The following BRAF variants were observed in gnomAD, a reference collection of about 807,000 sequenced individuals.
BRAF encodes B-Raf proto-oncogene, serine/threonine kinase, also known as serine/threonine-protein kinase B-raf.
A neutral mutation model predicts 104.6 loss-of-function variants in BRAF; 16 were observed. That is an observed-to-expected ratio of 0.15 (90% CI 0.10 to 0.23). The LOEUF is 0.23. Ranked by LOEUF, BRAF falls within the 10% of genes least tolerant of loss-of-function variation. The probability of loss-of-function intolerance (pLI) is 1.00; values close to 1 mark genes in which losing one functional copy is unlikely to be tolerated. For missense variants in BRAF, 541 were observed against 937.3 expected (o/e 0.58, Z 5.52); for synonymous variants, 310 against 341.6 (o/e 0.91, Z 1.02).
At chr7:140,727,623 T>C (rs1376347232) in intron 19 of BRAF, among the ~76,000 whole-genome samples, 2 of 151,148 alleles carry the variant, frequency 1.3e-5, no homozygotes, top group East Asian at 3.9e-4. Context: ...CATACCACTA[T>C]TTTTCTTTTT....
At chr7:140,885,569 C>T (rs979061762) in intron 1 of BRAF, among the ~76,000 whole-genome samples, 3 of 152,176 alleles carry the variant, frequency 2.0e-5, no homozygotes, top group Admixed American at 6.5e-5. Flanking sequence ...CATTTAGTTA[C>T]ATATTTGTGC....
In BRAF at chr7:140,720,829, G is replaced by C; in HGVS notation, c.*5665C>G. The C allele has an allele frequency of 3.8e-6, 4 of 1,066,014 alleles. No individual in the cohort carries two copies. The highest frequency in any genetic ancestry group is 4.5e-6 in the Non-Finnish European group (4 of 879,806). The allele number at this position is 1,066,014 out of a possible 1,614,324, so 66.0% of individuals were successfully genotyped here. On this transcript the variant is annotated 3_prime_UTR_variant, in exon 20 of 20. Coordinates refer to ENST00000644969, the MANE Select transcript of BRAF (RefSeq NM_001374258.1). Reference sequence around the variant, plus strand: ...GCAGTAATTTTCAAAACAAAACCAGGACTAAGCAACTTCATCAAAACCCCC... The same window carrying C: ...GCAGTAATTTTCAAAACAAAACCAGCACTAAGCAACTTCATCAAAACCCCC...
intron 1 of BRAF, among the ~76,000 whole-genome samples, chr7:140,860,465 G>GAAA (rs746617365): frequency 1.6e-4 from 10 of 62,134 alleles, no homozygotes; most frequent in African/African-American, 7.9e-4. Context: ...CCCATCTCTA[G>GAAA]AAAAAAAAAA....
At chr7:140,750,994 A>G (rs1358331576) in intron 16 of BRAF, among the ~76,000 whole-genome samples, 1 of 152,216 alleles carries the variant, frequency 6.6e-6, no homozygotes, top group African/African-American at 2.4e-5. Context: ...AAAGGACCAC[A>G]CAGCCTTAGT....
chr7:140,737,167 T>C (rs2130884826), intron 18 of BRAF, among the ~76,000 whole-genome samples: 1 of 152,350 alleles, frequency 6.6e-6, no homozygotes, highest in South Asian at 2.1e-4. Context: ...TTTTTCTTAT[T>C]ATAGTAAACA....
At chr7:140,793,540 A>G (rs1802193656) in intron 8 of BRAF, among the ~76,000 whole-genome samples, 1 of 152,076 alleles carries the variant, frequency 6.6e-6, no homozygotes, top group Non-Finnish European at 1.5e-5. Context: ...TAAAATTTAT[A>G]GTTTCAATTA....
intron 17 of BRAF, chr7:140,740,193 T>C: frequency 2.1e-6 from 1 of 475,518 alleles, no homozygotes; most frequent in Non-Finnish European, 3.8e-6. Flanking sequence ...CCCCTGCTTT[T>C]GGTCTCTCTT....
rs1795496203 is a variant in BRAF at position 140,724,555 on chromosome 7, CT to C, written c.*1938del. On this transcript the variant is annotated 3_prime_UTR_variant, in exon 20 of 20. Transcript: ENST00000644969. ...TCAAACTGATTAATAACTTAAGGAT[CT>C]TTTCCATTTTACTAGGACAACCTTT... 5.8e-6 allele frequency: 6 copies of C among 1,042,392 alleles called. No homozygotes were observed. Among genetic ancestry groups the C allele is most frequent in the Non-Finnish European group, 6.9e-6 (6 of 864,862 alleles). The allele number at this position is 1,042,392 out of a possible 1,614,324, so 64.6% of individuals were successfully genotyped here. A position where few individuals can be genotyped will look rare whatever the true frequency, so the allele number is the denominator to read the frequency against.
At chr7:140,765,640 G>A (rs1234446348) in intron 14 of BRAF, among the ~76,000 whole-genome samples, 1 of 151,874 alleles carries the variant, frequency 6.6e-6, no homozygotes, top group Non-Finnish European at 1.5e-5. Flanking sequence ...GTGGGCAAAG[G>A]ACATGAACAG....
intron 2 of BRAF, among the ~76,000 whole-genome samples, chr7:140,841,827 C>T (rs982153894): frequency 6.6e-6 from 1 of 151,952 alleles, no homozygotes; most frequent in Admixed American, 6.5e-5. Flanking sequence ...CACTGAATTA[C>T]ACAGTTTTAA....
At chr7:140,750,658 C>T (rs1222871441) in intron 16 of BRAF, among the ~76,000 whole-genome samples, 1 of 152,064 alleles carries the variant, frequency 6.6e-6, no homozygotes, top group Non-Finnish European at 1.5e-5. Context: ...TTTAGTAATA[C>T]AGTACAAAAT....
intron 1 of BRAF, among the ~76,000 whole-genome samples, chr7:140,887,390 T>C (rs936981467): frequency 2.0e-5 from 3 of 152,242 alleles, no homozygotes; most frequent in African/African-American, 7.2e-5. Context: ...TAATCTTTGA[T>C]ATAGGACCAA....
chr7:140,911,606 TG>T (rs565201646), intron 1 of BRAF, among the ~76,000 whole-genome samples: 13 of 152,096 alleles, frequency 8.5e-5, no homozygotes, highest in African/African-American at 3.1e-4. Context: ...GAGGGTGGGA[TG>T]GGGGAGGAAA....
At chr7:140,865,821 A>G (rs1285014936) in intron 1 of BRAF, among the ~76,000 whole-genome samples, 1 of 152,256 alleles carries the variant, frequency 6.6e-6, no homozygotes, top group Non-Finnish European at 1.5e-5. Context: ...GAAATCAATA[A>G]GCAGAAACTA....
At chr7:140,781,869 T>C (rs1800910451) in intron 11 of BRAF, among the ~76,000 whole-genome samples, 176 bp from the exon 11 acceptor site, 1 of 152,186 alleles carries the variant, frequency 6.6e-6, no homozygotes, top group East Asian at 1.9e-4. Context: ...AAACTTAAAT[T>C]TAAGACTGAA....
intron 3 of BRAF, among the ~76,000 whole-genome samples, chr7:140,815,235 T>C (rs969300654): frequency 2.6e-5 from 4 of 151,230 alleles, no homozygotes; most frequent in African/African-American, 9.7e-5. Flanking sequence ...CCTCCCGGGC[T>C]CACGCCATTC....
chr7:140,722,070 C>T lies in BRAF; in HGVS notation c.*4424G>A. 1 of 1,093,914 alleles carries T rather than the reference C, an allele frequency of 9.1e-7. No individual in the cohort carries two copies. The highest frequency in any genetic ancestry group is 4.5e-5 in the South Asian group (1 of 22,340). 67.8% of individuals were successfully genotyped at this position (1,093,914 alleles called of 1,614,324 possible). On this transcript the variant is annotated 3_prime_UTR_variant, in exon 20 of 20. Transcript: ENST00000644969. ...CTTCAACCCTAAACTACAGCAATTTCTGTCAACATTTCTGTTGTATAAAAG... is the reference window on the plus strand; with the variant it reads ...CTTCAACCCTAAACTACAGCAATTTTTGTCAACATTTCTGTTGTATAAAAG...
At chr7:140,853,119 T>C (rs1809364179) in intron 1 of BRAF, among the ~76,000 whole-genome samples, 2 of 151,736 alleles carry the variant, frequency 1.3e-5, no homozygotes, top group African/African-American at 2.4e-5. Flanking sequence ...TCAAAAACTG[T>C]AACTGCAGGC....
intron 18 of BRAF, among the ~76,000 whole-genome samples, chr7:140,739,260 T>A (rs1311328861): frequency 6.6e-6 from 1 of 152,066 alleles, no homozygotes; most frequent in East Asian, 1.9e-4. Context: ...TAAGTAGAGT[T>A]TTTAGGGGTG....
Sources: allele counts gnomAD v4.1 joint callset (sites outside exome capture counted in the v4.1 genomes callset), GRCh38; gene constraint gnomAD v4.1.1; transcripts MANE v1.5; gene names NCBI Gene and HGNC (gene_info 2026-07-23, HGNC 2026-07-21).